The following PIP4K2A variants were observed in gnomAD, a reference collection of about 807,000 sequenced individuals.
The protein encoded by PIP4K2A is phosphatidylinositol-5-phosphate 4-kinase type 2 alpha.
Under a neutral mutation model 42.9 loss-of-function variants are expected in PIP4K2A, and 14 were observed. That is an observed-to-expected ratio of 0.33 (90% CI 0.22 to 0.51). The LOEUF (loss-of-function observed/expected upper bound fraction) is 0.51. PIP4K2A is among the 20% of genes least tolerant of loss of function. The probability of loss-of-function intolerance (pLI) is 0.97; values close to 1 mark genes in which losing one functional copy is unlikely to be tolerated. For synonymous variants in PIP4K2A, 192 were observed against 192.2 expected (o/e 1.00, Z 0.01); for missense variants, 434 against 519.8 (o/e 0.83, Z 1.61).
At chr10:22,585,459 T>A (rs1211400055) in intron 4 of PIP4K2A, among the ~76,000 whole-genome samples, 2 of 152,182 alleles carry the variant, frequency 1.3e-5, no homozygotes, top group Non-Finnish European at 2.9e-5. Flanking sequence ...AATAAGAAAG[T>A]AAATTAAAAT....
At chr10:22,654,876 CAAA>C (rs781082809) in intron 1 of PIP4K2A, among the ~76,000 whole-genome samples, 17 of 152,236 alleles carry the variant, frequency 1.1e-4, no homozygotes, top group East Asian at 9.6e-4. Context: ...TAAAGCAAAT[CAAA>C]GAAGGCTACG....
rs777310787 is a variant in PIP4K2A at position 22,576,023 on chromosome 10, A to T, written c.493-2566T>A. Reference sequence around the variant, plus strand: ...TTGTTCTCAAACGTATGGCTCACTTATGGGGCTCCTTGATGAATACCTAAA... The same window carrying T: ...TTGTTCTCAAACGTATGGCTCACTTTTGGGGCTCCTTGATGAATACCTAAA... On this transcript the variant is annotated intron_variant, in intron 4 of 9. Transcript: ENST00000376573. Among the ~76,000 whole-genome samples, 4 of 152,154 alleles carry T rather than the reference A, an allele frequency of 2.6e-5. No individual in the cohort carries two copies. The South Asian group carries it at 8.3e-4, about 32-fold the overall frequency.
chr10:22,656,864 T>C (rs773277444), intron 1 of PIP4K2A, among the ~76,000 whole-genome samples: 26 of 151,880 alleles, frequency 1.7e-4, no homozygotes, highest in Non-Finnish European at 3.2e-4. Context: ...AGACTCTAGG[T>C]AGAACTACAC....
At chr10:22,560,661 G>C (rs866283849) in intron 6 of PIP4K2A, among the ~76,000 whole-genome samples, 58 of 152,330 alleles carry the variant, frequency 3.8e-4, no homozygotes, top group Middle Eastern at 3.4e-3. Context: ...CAATTGCAGG[G>C]CAGCTGTTTT....
At chr10:22,619,580 G>A (rs1750755) in intron 1 of PIP4K2A, among the ~76,000 whole-genome samples, 85,911 of 151,640 alleles carry the variant, frequency 0.57, 25,593 homozygotes, top group East Asian at 0.87. Context: ...GGGACTACAG[G>A]TGGGCGCCAC....
intron 1 of PIP4K2A, among the ~76,000 whole-genome samples, chr10:22,706,150 A>G (rs1833819268): frequency 6.6e-6 from 1 of 152,146 alleles, no homozygotes; most frequent in South Asian, 2.1e-4. Flanking sequence ...GATTATGGGT[A>G]CAATTCAAGA....
chr10:22,657,871 C>T (rs1157685441), intron 1 of PIP4K2A, among the ~76,000 whole-genome samples: 1 of 152,046 alleles, frequency 6.6e-6, no homozygotes, highest in Non-Finnish European at 1.5e-5. Context: ...TGGGTGCAAT[C>T]GCTAAATTTC....
At chr10:22,683,538 A>G (rs538744734) in intron 1 of PIP4K2A, among the ~76,000 whole-genome samples, 5 of 152,294 alleles carry the variant, frequency 3.3e-5, no homozygotes, top group Admixed American at 1.3e-4. Flanking sequence ...AGTGCTGGGT[A>G]CAGGTCAGGT....
chr10:22,536,559 G>GGGGGCTCAGGTTATCAGTGTTA lies in PIP4K2A; in HGVS notation c.*620_*641dup, dbSNP rs1427197356. On this transcript the variant is annotated 3_prime_UTR_variant, in exon 10 of 10. Transcript: ENST00000376573. ...CGCCAGCATTCTTCCGTCCAGTGCT[G>GGGGGCTCAGGTTATCAGTGTTA]GGGGCTCAGGTTATCAGTGTTAGGG... 6.3e-6 allele frequency: 1 copy of GGGGGCTCAGGTTATCAGTGTTA among 159,214 alleles called. No homozygotes were observed. Among genetic ancestry groups the GGGGGCTCAGGTTATCAGTGTTA allele is most frequent in the African/African-American group, 2.4e-5 (1 of 41,668 alleles). The allele number at this position is 159,214 out of a possible 1,614,324, so 9.9% of individuals were successfully genotyped here. A position where few individuals can be genotyped will look rare whatever the true frequency, so the allele number is the denominator to read the frequency against.
chr10:22,591,255 C>T (rs776844140), intron 4 of PIP4K2A, among the ~76,000 whole-genome samples: 14 of 152,208 alleles, frequency 9.2e-5, no homozygotes, highest in Admixed American at 2.0e-4. Context: ...AAATAGGATT[C>T]GGAGGTGTAA....
intron 1 of PIP4K2A, among the ~76,000 whole-genome samples, chr10:22,622,309 G>A (rs1838348849): frequency 6.6e-6 from 1 of 152,214 alleles, no homozygotes; most frequent in Non-Finnish European, 1.5e-5. Flanking sequence ...GAAAGACGGT[G>A]CGCTGCCTGT....
At chr10:22,615,548 C>T (rs980498826) in intron 1 of PIP4K2A, among the ~76,000 whole-genome samples, 5 of 152,162 alleles carry the variant, frequency 3.3e-5, no homozygotes, top group African/African-American at 4.8e-5. Context: ...GAATCATACA[C>T]CCTTTATAGG....
chr10:22,711,068 A>T (rs1156426854), intron 1 of PIP4K2A, among the ~76,000 whole-genome samples: 2 of 152,170 alleles, frequency 1.3e-5, no homozygotes, highest in Non-Finnish European at 2.9e-5. Context: ...CTTTTCCTTT[A>T]TGTATTCAGT....
rs1174822125 is a variant in PIP4K2A at position 22,536,209 on chromosome 10, A to T, written c.*992T>A. The T allele has an allele frequency of 5.0e-6, 2 of 398,054 alleles. No homozygotes were observed. The highest frequency in any genetic ancestry group is 4.1e-5 in the African/African-American group (2 of 48,618). The allele number at this position is 398,054 out of a possible 1,614,324, so 24.7% of individuals were successfully genotyped here. A position where few individuals can be genotyped will look rare whatever the true frequency, so the allele number is the denominator to read the frequency against. ...TTATAATTCAGATCTGCATTTGGTA[A>T]CAGGAGAATTGAGAGTTTTGATGCT... On this transcript the variant is annotated 3_prime_UTR_variant, in exon 10 of 10. Coordinates refer to ENST00000376573, the MANE Select transcript of PIP4K2A (RefSeq NM_005028.5).
In PIP4K2A at chr10:22,683,274, C is replaced by G. The variant is rs532640423; in HGVS notation, c.144+30909G>C. On this transcript the variant is annotated intron_variant, in intron 1 of 9. Coordinates refer to ENST00000376573, the MANE Select transcript of PIP4K2A (RefSeq NM_005028.5). ...TCATACCACCGAGTCAAGGCTTTAA[C>G]AGTATTTGCATTTGCCGTTTTTCAC... 2.6e-5 allele frequency among the ~76,000 whole-genome samples: 4 copies of G among 152,226 alleles called. No homozygotes were observed. In the South Asian group the frequency reaches 8.3e-4, roughly 32 times the overall value.
intron 4 of PIP4K2A, among the ~76,000 whole-genome samples, chr10:22,586,839 ACTT>A (rs1244333121): frequency 1.3e-5 from 2 of 152,162 alleles, no homozygotes; most frequent in African/African-American, 2.4e-5. Flanking sequence ...CCCATTTAGC[ACTT>A]CTTATATACT....
chr10:22,633,164 G>A (rs112944583), intron 1 of PIP4K2A, among the ~76,000 whole-genome samples: 76 of 152,326 alleles, frequency 5.0e-4, no homozygotes, highest in Middle Eastern at 6.8e-3. Flanking sequence ...TTTGCATGGC[G>A]CAGGGGATTC....
chr10:22,681,191 C>A (rs1426111986), intron 1 of PIP4K2A, among the ~76,000 whole-genome samples: 1 of 152,208 alleles, frequency 6.6e-6, no homozygotes, highest in Non-Finnish European at 1.5e-5. Flanking sequence ...GGATTTCACT[C>A]TTTTAAAGAT....
intron 4 of PIP4K2A, among the ~76,000 whole-genome samples, chr10:22,578,289 C>G (rs182551693): frequency 6.6e-6 from 1 of 152,292 alleles, no homozygotes; most frequent in East Asian, 1.9e-4. Flanking sequence ...TTTTCTGTTG[C>G]TCTGTAACCC....
Sources: allele counts gnomAD v4.1 joint callset (sites outside exome capture counted in the v4.1 genomes callset), GRCh38; gene constraint gnomAD v4.1.1; transcripts MANE v1.5; gene names NCBI Gene and HGNC (gene_info 2026-07-23, HGNC 2026-07-21).